The following TAFA5 variants were observed in gnomAD, a reference collection of about 807,000 sequenced individuals.
The protein encoded by TAFA5 is chemokine-like protein TAFA-5.
Under a neutral mutation model 15.3 loss-of-function variants are expected in TAFA5, and 6 were observed. The ratio of observed to expected loss-of-function variants is 0.39; its 90% CI spans 0.21 to 0.77. The LOEUF is 0.77. Among genes scored for constraint, TAFA5 ranks in the 30% least tolerant of loss-of-function variants. TAFA5 has a pLI of 0.41. For missense variants in TAFA5, 161 were observed against 193.1 expected, an observed-to-expected ratio of 0.83 and a Z score of 0.98; for synonymous variants, 103 against 80.7, an observed-to-expected ratio of 1.28 and a Z score of -1.48.
At chr22:48,681,042 C>T (rs1243331173) in intron 2 of TAFA5, among the ~76,000 whole-genome samples, 1 of 152,204 alleles carries the variant, frequency 6.6e-6, no homozygotes, top group South Asian at 2.1e-4. Flanking sequence ...TTTTGTTCTC[C>T]GGGGCCCTAC....
intron 1 of TAFA5, among the ~76,000 whole-genome samples, chr22:48,630,221 G>A (rs1347511188): frequency 1.3e-5 from 2 of 152,170 alleles, no homozygotes; most frequent in Non-Finnish European, 2.9e-5. Context: ...GGCTCTGCTT[G>A]CAGAACGCTG....
intron 1 of TAFA5, among the ~76,000 whole-genome samples, chr22:48,641,387 G>A (rs1041962482): frequency 1.3e-5 from 2 of 152,134 alleles, no homozygotes; most frequent in African/African-American, 2.4e-5. Flanking sequence ...GGTCCTGGGG[G>A]CTGGAGGGGT....
chr22:48,583,867 C>A (rs949354773), intron 1 of TAFA5, among the ~76,000 whole-genome samples: 1 of 149,824 alleles, frequency 6.7e-6, no homozygotes, highest in African/African-American at 2.5e-5. Flanking sequence ...ACCACACACA[C>A]ACGCAACATC....
intron 1 of TAFA5, among the ~76,000 whole-genome samples, chr22:48,564,506 T>C (rs1325409259): frequency 6.6e-6 from 1 of 152,212 alleles, no homozygotes; most frequent in African/African-American, 2.4e-5. Context: ...TCACATGTGG[T>C]CTGGTCATTG....
At chr22:48,714,330 G>C (rs906815772) in intron 3 of TAFA5, among the ~76,000 whole-genome samples, 1 of 152,224 alleles carries the variant, frequency 6.6e-6, no homozygotes, top group Non-Finnish European at 1.5e-5. Flanking sequence ...CGGGTGGACG[G>C]AGCTGACAAG....
intron 1 of TAFA5, among the ~76,000 whole-genome samples, chr22:48,572,668 C>T (rs978130214): frequency 1.3e-5 from 2 of 152,138 alleles, no homozygotes; most frequent in African/African-American, 4.8e-5. Flanking sequence ...CATCTCAGGA[C>T]AAACTAAAAA....
At chr22:48,725,995 C>G (rs1229641444) in intron 3 of TAFA5, among the ~76,000 whole-genome samples, 2 of 152,072 alleles carry the variant, frequency 1.3e-5, no homozygotes, top group Non-Finnish European at 2.9e-5. Context: ...ATTTCAAGAA[C>G]AAAGGAAACC....
At chr22:48,523,018 G>A (rs1921657453) in intron 1 of TAFA5, among the ~76,000 whole-genome samples, 1 of 152,198 alleles carries the variant, frequency 6.6e-6, no homozygotes, top group Admixed American at 6.5e-5. Flanking sequence ...GGGCTGTGTC[G>A]GTTCCTTCCC....
At chr22:48,584,402 C>T (rs1018643708) in intron 1 of TAFA5, among the ~76,000 whole-genome samples, 2 of 149,884 alleles carry the variant, frequency 1.3e-5, no homozygotes, top group African/African-American at 4.9e-5. Context: ...ACACCACACA[C>T]ATAGATACAC....
chr22:48,660,306 C>A (rs961201111), intron 2 of TAFA5, among the ~76,000 whole-genome samples: 1 of 152,068 alleles, frequency 6.6e-6, no homozygotes, highest in Non-Finnish European at 1.5e-5. Flanking sequence ...AGCACAGTTG[C>A]TGTTTGCTGA....
At chr22:48,575,374 G>GC (rs913744778) in intron 1 of TAFA5, among the ~76,000 whole-genome samples, 54 of 149,284 alleles carry the variant, frequency 3.6e-4, no homozygotes, top group African/African-American at 1.2e-3. Flanking sequence ...CGGCTCCGCG[G>GC]CCGGGAGGAG....
At chr22:48,672,829 C>T (rs980406768) in intron 2 of TAFA5, among the ~76,000 whole-genome samples, 1 of 152,154 alleles carries the variant, frequency 6.6e-6, no homozygotes, top group African/African-American at 2.4e-5. Flanking sequence ...CTTTATTTCC[C>T]TTGGGACTCT....
At chr22:48,491,061 G>A (rs556865672) in intron 1 of TAFA5, among the ~76,000 whole-genome samples, 17 of 152,330 alleles carry the variant, frequency 1.1e-4, no homozygotes, top group African/African-American at 3.4e-4. Context: ...GGCACCGAGC[G>A]GGGAGGGGTC....
intron 3 of TAFA5, among the ~76,000 whole-genome samples, chr22:48,729,280 A>G: frequency 7.5e-6 from 1 of 134,038 alleles, no homozygotes; most frequent in East Asian, 2.0e-4. Context: ...TTTATTTATA[A>G]ATATATAATA....
At chr22:48,496,027 C>T (rs561945844) in intron 1 of TAFA5, among the ~76,000 whole-genome samples, 3 of 152,326 alleles carry the variant, frequency 2.0e-5, no homozygotes, top group East Asian at 1.9e-4. Context: ...TCCTATCGCC[C>T]GTGAAGGCCC....
intron 1 of TAFA5, among the ~76,000 whole-genome samples, chr22:48,537,306 T>C (rs1355423469): frequency 1.3e-5 from 2 of 152,210 alleles, no homozygotes; most frequent in Non-Finnish European, 2.9e-5. Context: ...TCTTGGTGCA[T>C]TTCCAGGCAA....
chr22:48,605,361 T>C (rs1406541133), intron 1 of TAFA5, among the ~76,000 whole-genome samples: 1 of 112,766 alleles, frequency 8.9e-6, no homozygotes, highest in East Asian at 2.1e-4. Flanking sequence ...GTGATGATGG[T>C]GGTGATGGTG....
intron 1 of TAFA5, among the ~76,000 whole-genome samples, chr22:48,540,375 C>G (rs902448560): frequency 6.6e-6 from 1 of 152,042 alleles, no homozygotes; most frequent in Non-Finnish European, 1.5e-5. Flanking sequence ...CCTGCCTGGA[C>G]CCCCAGAGAA....
chr22:48,717,736 C>A (rs986359731), intron 3 of TAFA5, among the ~76,000 whole-genome samples: 2 of 152,226 alleles, frequency 1.3e-5, no homozygotes, highest in Non-Finnish European at 2.9e-5. Context: ...GGCCTCTGCC[C>A]TCCAGGAGCC....
Sources: allele counts gnomAD v4.1 joint callset (sites outside exome capture counted in the v4.1 genomes callset), GRCh38; gene constraint gnomAD v4.1.1; transcripts MANE v1.5; gene names NCBI Gene and HGNC (gene_info 2026-07-23, HGNC 2026-07-21).